The following LUZP1 variants were observed in gnomAD, a reference collection of about 807,000 sequenced individuals.
The protein encoded by LUZP1 is leucine zipper protein 1.
In LUZP1, 25 loss-of-function variants were observed where a neutral mutation model predicts 71.3. That is an observed-to-expected ratio of 0.35 (90% confidence interval 0.26 to 0.49). The LOEUF (loss-of-function observed/expected upper bound fraction) is 0.49, where lower values mean the gene tolerates loss of function less well. LUZP1 is among the 20% of genes least tolerant of loss of function. LUZP1 has a pLI of 0.99. For synonymous variants in LUZP1, 481 were observed against 506.4 expected, an observed-to-expected ratio of 0.95 and a Z score of 0.67; for missense variants, 1,142 against 1,300.8, an observed-to-expected ratio of 0.88 and a Z score of 1.88.
intron 2 of LUZP1, among the ~76,000 whole-genome samples, chr1:23,114,357 C>A (rs1415750714): frequency 6.6e-6 from 1 of 152,188 alleles, no homozygotes; most frequent in East Asian, 1.9e-4. Flanking sequence ...AATAATTTTT[C>A]TGCCCTGTGC....
At chr1:23,119,072 C>T (rs1211791462) in intron 2 of LUZP1, among the ~76,000 whole-genome samples, 1 of 152,140 alleles carries the variant, frequency 6.6e-6, no homozygotes, top group African/African-American at 2.4e-5. Flanking sequence ...TAGCAATTAA[C>T]GTGGAGCTTC....
At chr1:23,164,799 C>T (rs1644497104) in intron 2 of LUZP1, among the ~76,000 whole-genome samples, 1 of 152,164 alleles carries the variant, frequency 6.6e-6, no homozygotes. Flanking sequence ...GGTGGAAGGG[C>T]AAGGCCTTCA....
intron 2 of LUZP1, among the ~76,000 whole-genome samples, chr1:23,115,810 G>A (rs1644073189): frequency 6.6e-6 from 1 of 152,136 alleles, no homozygotes; most frequent in Non-Finnish European, 1.5e-5. Context: ...CCAAAGTGCT[G>A]GGATTACAGG....
At chr1:23,176,177 T>A (rs1320978868) in intron 1 of LUZP1, among the ~76,000 whole-genome samples, 2 of 151,422 alleles carry the variant, frequency 1.3e-5, no homozygotes, top group Admixed American at 1.3e-4. Context: ...TTTTCCTGCC[T>A]CAGCCTCCCG....
At chr1:23,166,919 C>G (rs555375109) in intron 2 of LUZP1, among the ~76,000 whole-genome samples, 303 of 152,238 alleles carry the variant, frequency 2.0e-3, no homozygotes, top group Middle Eastern at 3.4e-3. Flanking sequence ...CAACCCATTC[C>G]CTTCCCAGCT....
At chr1:23,176,154 T>C (rs1013370059) in intron 1 of LUZP1, among the ~76,000 whole-genome samples, 1 of 150,686 alleles carries the variant, frequency 6.6e-6, no homozygotes, top group Non-Finnish European at 1.5e-5. Flanking sequence ...CACCACCTCC[T>C]GGGTTCAAGT....
chr1:23,170,639 G>A (rs1644545673), intron 1 of LUZP1, among the ~76,000 whole-genome samples: 1 of 151,588 alleles, frequency 6.6e-6, no homozygotes, highest in South Asian at 2.1e-4. Flanking sequence ...GCTAATTTTT[G>A]TATTTTTAGT....
chr1:23,155,007 G>A (rs1644411337), intron 2 of LUZP1, among the ~76,000 whole-genome samples: 1 of 151,962 alleles, frequency 6.6e-6, no homozygotes, highest in African/African-American at 2.4e-5. Context: ...ATAATGATAA[G>A]TCCTCAAGTT....
At chr1:23,158,980 G>C (rs1034722211) in intron 2 of LUZP1, among the ~76,000 whole-genome samples, 2 of 150,470 alleles carry the variant, frequency 1.3e-5, no homozygotes, top group Non-Finnish European at 3.0e-5. Flanking sequence ...AAGAGAAGAA[G>C]TAATCTCAGT....
At position 23,093,620 on chromosome 1, in the gene LUZP1, G is replaced by T; in HGVS notation, c.642C>A (p.Leu214=). ...TTTTGTTCTGCTCTAGTTTTTGAGT[G>T]AGTTCTTTTATCAATTTCTCATTTT... is the stretch of plus-strand genomic sequence containing the variant. Residue 214 remains leucine, a synonymous_variant, in exon 4 of 5, where the codon CTC becomes CTA. Transcript: ENST00000302291. The surrounding 1 kb of genome is among the most constrained non-coding windows in gnomAD (Gnocchi z 4.2). The T allele has an allele frequency of 6.2e-7, 1 of 1,611,818 alleles. No individual in the cohort carries two copies. The highest frequency in any genetic ancestry group is 8.5e-7 in the Non-Finnish European group (1 of 1,179,540).
At chr1:23,100,553 C>A (rs955155155) in intron 3 of LUZP1, among the ~76,000 whole-genome samples, 1 of 152,168 alleles carries the variant, frequency 6.6e-6, no homozygotes, top group African/African-American at 2.4e-5. Context: ...AGTTATCGGA[C>A]CAAATGTTGG....
At chr1:23,173,173 C>T (rs1216506578) in intron 1 of LUZP1, among the ~76,000 whole-genome samples, 4 of 151,588 alleles carry the variant, frequency 2.6e-5, no homozygotes, top group African/African-American at 7.3e-5. Flanking sequence ...GGGAGGATTG[C>T]TTGAGCCCAG....
At chr1:23,147,959 T>C (rs371540924) in intron 2 of LUZP1, among the ~76,000 whole-genome samples, 4 of 152,372 alleles carry the variant, frequency 2.6e-5, no homozygotes, top group African/African-American at 7.2e-5. Flanking sequence ...AATAGCTACA[T>C]TGTGTTTCTT....
chr1:23,136,671 G>A (rs1039213567), intron 2 of LUZP1, among the ~76,000 whole-genome samples: 1 of 152,208 alleles, frequency 6.6e-6, no homozygotes, highest in Non-Finnish European at 1.5e-5. Context: ...CACTTTGGGA[G>A]GCCGAGGCGG....
intron 4 of LUZP1, chr1:23,090,617 C>G (rs1448238352): frequency 1.8e-6 from 1 of 546,892 alleles, no homozygotes; most frequent in Admixed American, 3.1e-5. Flanking sequence ...AGACAGACAG[C>G]TGTCTGGGGG....
At chr1:23,172,743 G>A (rs1352037399) in intron 1 of LUZP1, among the ~76,000 whole-genome samples, 1 of 151,870 alleles carries the variant, frequency 6.6e-6, no homozygotes, top group African/African-American at 2.4e-5. Context: ...TCGAATGCCT[G>A]GGCTCAAGCG....
chr1:23,172,916 G>A (rs1162894098), intron 1 of LUZP1, among the ~76,000 whole-genome samples: 6 of 151,346 alleles, frequency 4.0e-5, no homozygotes, highest in Admixed American at 6.6e-5. Context: ...TCCGCCTCCC[G>A]TATTCAAGCA....
intron 2 of LUZP1, among the ~76,000 whole-genome samples, chr1:23,155,564 G>A (rs1438974583): frequency 2.6e-5 from 4 of 152,096 alleles, no homozygotes; most frequent in African/African-American, 9.7e-5. Context: ...ACACATAAAA[G>A]GTACTTAAGT....
intron 1 of LUZP1, among the ~76,000 whole-genome samples, chr1:23,177,261 A>G (rs1391009495): frequency 2.0e-5 from 3 of 152,116 alleles, no homozygotes; most frequent in Non-Finnish European, 4.4e-5. Context: ...TGCAACACAC[A>G]CAACATGTTA....
Sources: allele counts gnomAD v4.1 joint callset (sites outside exome capture counted in the v4.1 genomes callset), GRCh38; gene constraint gnomAD v4.1.1; non-coding constraint Gnocchi (gnomAD v3.1); transcripts MANE v1.5; gene names NCBI Gene and HGNC (gene_info 2026-07-23, HGNC 2026-07-21).